The following CALN1 variants were observed in gnomAD, a reference collection of about 807,000 sequenced individuals.
The protein encoded by CALN1 is calcium-binding protein 8.
A neutral mutation model predicts 30.6 loss-of-function variants in CALN1; 17 were observed. The observed-to-expected ratio is 0.56, with a 90% confidence interval of 0.38 to 0.83. CALN1 has a LOEUF of 0.83. CALN1 is among the 40% of genes least tolerant of loss of function. CALN1 has a pLI of 0.00. For missense variants in CALN1, 291 were observed against 354.9 expected, an observed-to-expected ratio of 0.82 and a Z score of 1.45; for synonymous variants, 156 against 131.4, an observed-to-expected ratio of 1.19 and a Z score of -1.28.
intron 5 of CALN1, among the ~76,000 whole-genome samples, chr7:71,896,319 A>G (rs1793528596): frequency 6.6e-6 from 1 of 152,126 alleles, no homozygotes; most frequent in Non-Finnish European, 1.5e-5. Flanking sequence ...TTTGTCACCA[A>G]ATATCATCTC....
chr7:71,833,079 CCTT>C (rs1343789454), intron 5 of CALN1, among the ~76,000 whole-genome samples: 1 of 152,186 alleles, frequency 6.6e-6, no homozygotes, highest in Non-Finnish European at 1.5e-5. Flanking sequence ...TCTGACGTGT[CCTT>C]CTCCAAAGTG....
chr7:72,468,459 A>G, the CALN1 span, among the ~76,000 whole-genome samples: 2 of 152,190 alleles, frequency 1.3e-5, no homozygotes, highest in African/African-American at 4.8e-5. Context: ...GACTACAGGC[A>G]TGTGCCAACA....
intron 4 of CALN1, among the ~76,000 whole-genome samples, chr7:72,062,744 T>C (rs10251795): frequency 0.21 from 32,018 of 151,960 alleles, 4,263 homozygotes; most frequent in Middle Eastern, 0.33. Context: ...AGGAAATGGA[T>C]TGATTCTTCA....
At chr7:72,401,336 C>A (rs1417228492) in intron 2 of CALN1, among the ~76,000 whole-genome samples, 1 of 152,160 alleles carries the variant, frequency 6.6e-6, no homozygotes, top group Non-Finnish European at 1.5e-5. Context: ...GGAGCCAAGA[C>A]CTTGACCACA....
chr7:72,199,689 T>C (rs1791284289), intron 3 of CALN1, among the ~76,000 whole-genome samples: 4 of 152,050 alleles, frequency 2.6e-5, no homozygotes, highest in Admixed American at 2.6e-4. Flanking sequence ...CTACAAAATA[T>C]TTAAAAAATT....
At chr7:71,807,257 A>G (rs909314754) in intron 6 of CALN1, among the ~76,000 whole-genome samples, 7 of 152,282 alleles carry the variant, frequency 4.6e-5, no homozygotes, top group South Asian at 4.1e-4. Context: ...CAAAGGGTCT[A>G]AGGTGAGCCA....
At chr7:72,503,211 TGG>T in the CALN1 span, among the ~76,000 whole-genome samples, 3 of 152,134 alleles carry the variant, frequency 2.0e-5, no homozygotes, top group Admixed American at 2.0e-4. Flanking sequence ...GCGTGTCAAA[TGG>T]GGGCAGGGGC....
chr7:72,008,724 C>T (rs1346391022), intron 5 of CALN1, among the ~76,000 whole-genome samples: 6 of 144,584 alleles, frequency 4.1e-5, no homozygotes, highest in East Asian at 2.1e-4. Flanking sequence ...AGTGTGATTT[C>T]GGCTCACTGC....
chr7:72,161,435 A>C (rs1347694282), intron 3 of CALN1, among the ~76,000 whole-genome samples: 3 of 152,214 alleles, frequency 2.0e-5, no homozygotes, highest in African/African-American at 7.2e-5. Flanking sequence ...AATCAGTTGA[A>C]TCCAAGGTAG....
At chr7:72,482,405 GT>G in the CALN1 span, among the ~76,000 whole-genome samples, 3 of 151,968 alleles carry the variant, frequency 2.0e-5, no homozygotes, top group Non-Finnish European at 2.9e-5. Flanking sequence ...GATAATATTT[GT>G]TTTCTATTTG....
intron 4 of CALN1, among the ~76,000 whole-genome samples, chr7:72,043,420 A>T (rs1802256854): frequency 6.6e-6 from 1 of 152,210 alleles, no homozygotes; most frequent in African/African-American, 2.4e-5. Flanking sequence ...ATAGAAAAAA[A>T]TGCTTTTATG....
intron 5 of CALN1, among the ~76,000 whole-genome samples, chr7:71,915,747 CCAAA>C (rs1562897001): frequency 8.7e-6 from 1 of 115,522 alleles, no homozygotes; most frequent in African/African-American, 3.5e-5. Flanking sequence ...CAAAAACCAA[CCAAA>C]CAAAAAAAAA....
At chr7:72,009,775 T>C (rs1584736053) in intron 5 of CALN1, among the ~76,000 whole-genome samples, 1 of 152,150 alleles carries the variant, frequency 6.6e-6, no homozygotes, top group Admixed American at 6.5e-5. Flanking sequence ...TCTCATTCTC[T>C]CTTGTCTGCC....
chr7:72,140,340 AAGGGAGGG>A (rs200997090), intron 3 of CALN1, among the ~76,000 whole-genome samples: 1,566 of 65,336 alleles, frequency 0.024, 35 homozygotes, highest in African/African-American at 0.057. Flanking sequence ...AGAAGGAAGG[AAGGGAGGG>A]AGGGAGGGAG....
At chr7:71,976,399 C>T (rs948360040) in intron 5 of CALN1, among the ~76,000 whole-genome samples, 1 of 152,184 alleles carries the variant, frequency 6.6e-6, no homozygotes, top group African/African-American at 2.4e-5. Context: ...CAGCACTGAG[C>T]CTGGCTCCTT....
At chr7:72,318,054 T>A (rs939356329) in intron 2 of CALN1, among the ~76,000 whole-genome samples, 1 of 152,136 alleles carries the variant, frequency 6.6e-6, no homozygotes, top group Non-Finnish European at 1.5e-5. Context: ...AGGGACCCTT[T>A]TTCTCTGGTC....
chr7:72,319,250 G>C (rs1292609220), intron 2 of CALN1, among the ~76,000 whole-genome samples: 1 of 152,144 alleles, frequency 6.6e-6, no homozygotes, highest in African/African-American at 2.4e-5. Flanking sequence ...ATTTACAAAA[G>C]AAAGAGGTTC....
At chr7:72,474,064 C>T in the CALN1 span, among the ~76,000 whole-genome samples, 2 of 151,924 alleles carry the variant, frequency 1.3e-5, no homozygotes, top group South Asian at 2.1e-4. Context: ...TAGTTAGTAT[C>T]CTTACAGGGC....
rs760131117 is a variant in CALN1, at chr7:71,867,527, C to T, written c.502-57035G>A. Among the ~76,000 whole-genome samples, 9 of 152,036 alleles carry T rather than the reference C, an allele frequency of 5.9e-5. 1 individual carries two copies. Among genetic ancestry groups the T allele is most frequent in the South Asian group, 2.1e-4 (1 of 4,824 alleles). ...TCGGCTCATTGCAACCTCCACCTCC[C>T]GGATTCAAGTGATTCTCCTGTCTCA... On this transcript the variant is annotated intron_variant, in intron 5 of 6. Coordinates refer to ENST00000395275, the MANE Select transcript of CALN1 (RefSeq NM_031468.4).
Sources: gnomAD v4.1 joint callset for allele counts (sites outside exome capture counted in the v4.1 genomes callset) on GRCh38, gnomAD v4.1.1 for gene constraint, MANE v1.5 for transcripts, NCBI Gene and HGNC (gene_info 2026-07-23, HGNC 2026-07-21) for gene names.